ABCG5: variants seen among roughly 807,000 people sequenced by gnomAD.
ABCG5 encodes ATP-binding cassette sub-family G member 5.
ABCG5 carries 64 observed loss-of-function variants against 64.5 expected under a neutral mutation model. That is an observed-to-expected ratio of 0.99 (90% CI 0.81 to 1.22). The LOEUF is 1.22. Ranked by LOEUF, ABCG5 falls within the 50% of genes most tolerant of loss-of-function variation. The pLI is 0.00. For synonymous variants in ABCG5, 385 were observed against 326.3 expected (o/e 1.18, Z -1.94); for missense variants, 908 against 829.5 (o/e 1.09, Z -1.16).
chr2:43,808,551 T>TTAGG (rs1666356315), downstream of ABCG5, among the ~76,000 whole-genome samples: 1 of 152,210 alleles, frequency 6.6e-6, no homozygotes, highest in African/African-American at 2.4e-5. Context: ...CCAAGAGGCA[T>TTAGG]CCCCTTAGAT....
chr2:43,839,099 A>G (rs1189494830), upstream of ABCG5: 7 of 1,551,124 alleles, frequency 4.5e-6, no homozygotes, highest in Non-Finnish European at 5.2e-6. Context: ...GAAAGGGGCC[A>G]CTCCCCAGGA....
At chr2:43,832,174 C>CG in intron 2 of ABCG5, 91 bp from the exon 3 acceptor site, 1 of 1,521,062 alleles carries the variant, frequency 6.6e-7, no homozygotes, top group Non-Finnish European at 8.9e-7. Context: ...CATGACCCCG[C>CG]GGGCCATGAG....
intron 11 of ABCG5, among the ~76,000 whole-genome samples, chr2:43,817,781 G>T (rs908699351): frequency 6.6e-6 from 1 of 151,696 alleles, no homozygotes; most frequent in African/African-American, 2.4e-5. Context: ...GTAATGGCAG[G>T]CACCTGTAAT....
chr2:43,836,682 G>A (rs1312737732), intron 2 of ABCG5, among the ~76,000 whole-genome samples: 1 of 152,132 alleles, frequency 6.6e-6, no homozygotes, highest in Admixed American at 6.5e-5. Context: ...GACTCTCTGG[G>A]GCAATGACTG....
chr2:43,815,789 G>A (rs1453932776), intron 11 of ABCG5, among the ~76,000 whole-genome samples: 1 of 152,068 alleles, frequency 6.6e-6, no homozygotes, highest in Non-Finnish European at 1.5e-5. Flanking sequence ...GGGCCTTGCT[G>A]TGAGTTGAGG....
In ABCG5 at chr2:43,827,993, G is replaced by A. The variant is rs746717666; in HGVS notation, c.624C>T (p.Leu208=). Residue 208 remains leucine, a synonymous_variant, in exon 5 of 13, where the codon CTC becomes CTT. Transcript: ENST00000405322. ...CTGGGTGCCACTTACTAGGATCCTG[G>A]AGCAGCTGGGCTGCGATGGAGACCC... is the stretch of plus-strand genomic sequence containing the variant. ...RRRVSIAAQL[L]QDPKVMLFDE... The A allele has an allele frequency of 6.2e-7, 1 of 1,613,890 alleles. No homozygotes were observed. The highest frequency in any genetic ancestry group is 1.7e-5 in the Admixed American group (1 of 59,990).
chr2:43,824,186 A>G, intron 8 of ABCG5, 33 bp downstream of exon 8: 1 of 1,614,056 alleles, frequency 6.2e-7, no homozygotes, highest in Non-Finnish European at 8.5e-7. Context: ...AAAGACCTCT[A>G]ACAGGCATTT....
At chr2:43,827,481 C>T (rs763396770) in intron 5 of ABCG5, among the ~76,000 whole-genome samples, 30 of 152,112 alleles carry the variant, frequency 2.0e-4, no homozygotes, top group South Asian at 4.1e-4. Flanking sequence ...GCATGAGTGG[C>T]GAGGTTTCCC....
chr2:43,813,710 T>TTG (rs1491303474), intron 12 of ABCG5, among the ~76,000 whole-genome samples: 10 of 46,074 alleles, frequency 2.2e-4, no homozygotes, highest in African/African-American at 1.9e-3. Flanking sequence ...TTTTTTTTCG[T>TTG]TTTTTTTTTT....
At chr2:43,829,519 G>C (rs901681845) in intron 4 of ABCG5, among the ~76,000 whole-genome samples, 1 of 151,938 alleles carries the variant, frequency 6.6e-6, no homozygotes. Context: ...AAACAATAAC[G>C]ACTAAAAAAA....
At chr2:43,823,416 T>G (rs1441606414) in intron 9 of ABCG5, among the ~76,000 whole-genome samples, 1 of 152,050 alleles carries the variant, frequency 6.6e-6, no homozygotes, top group Non-Finnish European at 1.5e-5. Flanking sequence ...AGTCCTTCCC[T>G]CTTATTCCCT....
intron 12 of ABCG5, 132 bp from the exon 13 acceptor site, chr2:43,813,441 A>T: frequency 1.4e-6 from 1 of 717,404 alleles, no homozygotes. Flanking sequence ...AGAGTTTACA[A>T]TTTGATGAAG....
Position 43,838,838 on chromosome 2 carries a change from C to G in ABCG5, c.-159G>C. The stretch of plus-strand genomic sequence containing the variant: ...GGGACTTGGCCACGGAGACCATTAT[C>G]TGATGTACCTTTAGCCAGCGCGTCC... On this transcript the variant is annotated 5_prime_UTR_variant, in exon 1 of 13. Coordinates refer to ENST00000405322, the MANE Select transcript of ABCG5 (RefSeq NM_022436.3). This position sits in a 1 kb window ranked among gnomAD's most constrained non-coding sequence, Gnocchi z 4.2. The G allele has an allele frequency of 2.2e-6, 3 of 1,378,988 alleles. No homozygotes were observed. Among genetic ancestry groups the G allele is most frequent in the Non-Finnish European group, 3.0e-6 (3 of 1,001,104 alleles). 85.4% of individuals were successfully genotyped at this position (1,378,988 alleles called of 1,614,324 possible). A position where few individuals can be genotyped will look rare whatever the true frequency, so the allele number is the denominator to read the frequency against.
chr2:43,839,084 C>G (rs1016895349), upstream of ABCG5: 6 of 1,551,142 alleles, frequency 3.9e-6, no homozygotes, highest in African/African-American at 8.2e-5. Flanking sequence ...GGAGAGAGGG[C>G]TGCCGAAAGG....
intron 4 of ABCG5, among the ~76,000 whole-genome samples, chr2:43,831,373 A>G (rs1428204220): frequency 1.3e-5 from 2 of 152,068 alleles, no homozygotes; most frequent in African/African-American, 4.8e-5. Context: ...GAGTCTCGCT[A>G]TGTTGCCCAG....
chr2:43,822,497 G>A (rs1469951788), intron 10 of ABCG5: 9 of 901,734 alleles, frequency 1.0e-5, no homozygotes, highest in Non-Finnish European at 9.2e-6. Flanking sequence ...CATGCACCTG[G>A]GTCCTAGCTA....
rs149027497 is a variant in ABCG5 at position 43,814,496 on chromosome 2, G to A, written c.1743C>T (p.Tyr581=). Reference sequence around the variant, plus strand: ...ACTTACCACAAGTGAAATTCAGTCCGTAGAACTCATTGACTACAAGAATCT... The same window carrying A: ...ACTTACCACAAGTGAAATTCAGTCCATAGAACTCATTGACTACAAGAATCT... ...CSEILVVNEF[Y]GLNFTCGSSN... The change falls in exon 12 of 13, where the codon TAC becomes TAT. Residue 581 remains tyrosine, a synonymous_variant. Transcript: ENST00000405322. The A allele has an allele frequency of 1.4e-5, 23 of 1,605,736 alleles. No individual in the cohort carries two copies. Among genetic ancestry groups the A allele is most frequent in the Middle Eastern group, 1.7e-4 (1 of 6,034 alleles).
rs150716811 is a variant in ABCG5 at position 43,813,266 on chromosome 2, G to A, written c.1806C>T (p.Phe602=). Residue 602 remains phenylalanine, a synonymous_variant, in exon 13 of 13, where the codon TTC becomes TTT. Coordinates refer to ENST00000405322, the MANE Select transcript of ABCG5 (RefSeq NM_022436.3). ...VSVTTNPMCA[F]TQGIQFIEKT... ...TCTCAATGAATTGAATTCCTTGAGTGAAGGCACACATTGGATTAGTTGTCA... is the reference window on the plus strand; with the variant it reads ...TCTCAATGAATTGAATTCCTTGAGTAAAGGCACACATTGGATTAGTTGTCA... 3.8e-4 allele frequency: 616 copies of A among 1,613,826 alleles called. 3 individuals are homozygous for A. The highest frequency in any genetic ancestry group is 6.7e-5 in the Admixed American group (4 of 59,992).
chr2:43,821,246 T>A (rs1437159110), intron 10 of ABCG5, among the ~76,000 whole-genome samples: 1 of 152,222 alleles, frequency 6.6e-6, no homozygotes, highest in Non-Finnish European at 1.5e-5. Context: ...TAAAACATCC[T>A]CTTGCCTTTG....
Sources: gnomAD v4.1 joint callset for allele counts (sites outside exome capture counted in the v4.1 genomes callset) on GRCh38, gnomAD v4.1.1 for gene constraint, Gnocchi (gnomAD v3.1) non-coding constraint, MANE v1.5 for transcripts, NCBI Gene and HGNC (gene_info 2026-07-23, HGNC 2026-07-21) for gene names.